The following SNTB1 variants were observed in gnomAD, a reference collection of about 807,000 sequenced individuals.
SNTB1 encodes the protein beta-1-syntrophin.
SNTB1 carries 36 observed loss-of-function variants against 48.9 expected under a neutral mutation model. The observed-to-expected ratio is 0.74, with a 90% CI of 0.56 to 0.97. SNTB1 has a LOEUF of 0.97. SNTB1 is among the 50% of genes least tolerant of loss of function. The pLI is 0.00. For synonymous variants in SNTB1, 299 were observed against 294.6 expected (o/e 1.01, Z -0.15); for missense variants, 786 against 703.4 (o/e 1.12, Z -1.33).
At position 120,614,499 on chromosome 8, in the gene SNTB1, C is replaced by G. The variant is rs1475474076; in HGVS notation, c.996+17945G>C. Among the ~76,000 whole-genome samples, 7 of 152,320 alleles carry G rather than the reference C, an allele frequency of 4.6e-5. No individual in the cohort carries two copies. In the East Asian group the frequency reaches 1.4e-3, roughly 29 times the overall value. ...TTGTTTCCAAGGCCAGAGTAGCATG[C>G]CCTTCTATGCCTTAGCTCTGGCCTG... On this transcript the variant is annotated intron_variant, in intron 3 of 6. Transcript: ENST00000517992.
In SNTB1 at chr8:120,708,489, C is replaced by A. The variant is rs182034532; in HGVS notation, c.572-14581G>T. On this transcript the variant is annotated intron_variant, in intron 1 of 6. Transcript: ENST00000517992. ...ATATAACTTTAATAACAAAAGAAGT[C>A]ATGGAAAATTTTTAAAAGGAAAATT... is the stretch of plus-strand genomic sequence containing the variant. 2.6e-3 allele frequency among the ~76,000 whole-genome samples: 390 copies of A among 152,032 alleles called. 3 individuals are homozygous for A. Among genetic ancestry groups the A allele is most frequent in the African/African-American group, 9.0e-3 (372 of 41,504 alleles).
intron 3 of SNTB1, among the ~76,000 whole-genome samples, chr8:120,591,243 A>G (rs1816236156): frequency 6.6e-6 from 1 of 152,096 alleles, no homozygotes; most frequent in African/African-American, 2.4e-5. Flanking sequence ...GTCTTTTCAT[A>G]TTTCACATCT....
intron 4 of SNTB1, among the ~76,000 whole-genome samples, chr8:120,567,956 T>A (rs1764953213): frequency 6.6e-6 from 1 of 152,198 alleles, no homozygotes; most frequent in Non-Finnish European, 1.5e-5. Context: ...CAAATAATAC[T>A]ACTAGACAGA....
At chr8:120,765,601 A>C (rs961062765) in intron 1 of SNTB1, among the ~76,000 whole-genome samples, 3 of 152,160 alleles carry the variant, frequency 2.0e-5, no homozygotes, top group South Asian at 4.1e-4. Context: ...CAAAAAATGC[A>C]TGCATGCAAG....
chr8:120,613,774 G>C lies in SNTB1; in HGVS notation c.996+18670C>G, dbSNP rs138782712. Among the ~76,000 whole-genome samples, 779 of 152,258 alleles carry C rather than the reference G, an allele frequency of 5.1e-3. 6 individuals are homozygous for C. Among genetic ancestry groups the C allele is most frequent in the African/African-American group, 0.018 (739 of 41,544 alleles). ...GTATCAGAGTGGTGAGATTGATTTA[G>C]GATTCACTATATTAAACAAATTCAA... On this transcript the variant is annotated intron_variant, in intron 3 of 6. Coordinates refer to ENST00000517992, the MANE Select transcript of SNTB1 (RefSeq NM_021021.4).
chr8:120,702,071 GT>G (rs1445190535), intron 1 of SNTB1, among the ~76,000 whole-genome samples: 4 of 152,192 alleles, frequency 2.6e-5, no homozygotes, highest in African/African-American at 9.7e-5. Context: ...ACACTGATTG[GT>G]TTAGTTATTA....
chr8:120,705,481 G>A (rs745585816), intron 1 of SNTB1, among the ~76,000 whole-genome samples: 5 of 152,164 alleles, frequency 3.3e-5, no homozygotes, highest in Non-Finnish European at 7.4e-5. Context: ...CATGATCAGT[G>A]AATACAATCA....
rs761442188 is a variant in SNTB1 at position 120,811,972 on chromosome 8, G to C, written c.-129C>G. On this transcript the variant is annotated 5_prime_UTR_variant, in exon 1 of 7. Coordinates refer to ENST00000517992, the MANE Select transcript of SNTB1 (RefSeq NM_021021.4). ...TCCCGCGGGGAGGTGGCGGCACGCG[G>C]GACTCCGCTCCGGGAGTTCGCAGAC... 14 of 1,273,830 alleles carry C rather than the reference G, an allele frequency of 1.1e-5. No homozygotes were observed. Among genetic ancestry groups the C allele is most frequent in the Middle Eastern group, 3.0e-4 (1 of 3,346 alleles). 78.9% of individuals were successfully genotyped at this position (1,273,830 alleles called of 1,614,324 possible).
intron 3 of SNTB1, among the ~76,000 whole-genome samples, chr8:120,611,591 G>A (rs552876228): frequency 2.0e-5 from 3 of 151,950 alleles, no homozygotes; most frequent in Admixed American, 6.6e-5. Flanking sequence ...TGGGAGGCGA[G>A]GTGGGCAGAT....
At chr8:120,666,769 T>C (rs1003648013) in intron 2 of SNTB1, among the ~76,000 whole-genome samples, 1 of 152,184 alleles carries the variant, frequency 6.6e-6, no homozygotes, top group Non-Finnish European at 1.5e-5. Flanking sequence ...TCTCTGTTCA[T>C]TTTTAAAAAA....
At chr8:120,628,781 G>A (rs1219618211) in intron 3 of SNTB1, among the ~76,000 whole-genome samples, 1 of 151,972 alleles carries the variant, frequency 6.6e-6, no homozygotes, top group Non-Finnish European at 1.5e-5. Flanking sequence ...AAAGAGTTGA[G>A]GCTAATATGG....
intron 3 of SNTB1, among the ~76,000 whole-genome samples, chr8:120,616,226 G>C (rs940792009): frequency 6.6e-6 from 1 of 151,942 alleles, no homozygotes; most frequent in Admixed American, 6.5e-5. Context: ...GACCAATGAG[G>C]AAGAGATTAC....
chr8:120,632,695 T>G (rs1460715099), intron 2 of SNTB1, 44 bp from the exon 3 acceptor site: 1 of 1,539,134 alleles, frequency 6.5e-7, no homozygotes, highest in Non-Finnish European at 9.0e-7. Context: ...TCCTGGCAGG[T>G]CCTGCTTCGT....
intron 1 of SNTB1, among the ~76,000 whole-genome samples, chr8:120,780,230 T>C (rs1819811550): frequency 6.6e-6 from 1 of 152,222 alleles, no homozygotes; most frequent in African/African-American, 2.4e-5. Flanking sequence ...TACATTTCTT[T>C]TCACCCCACC....
intron 2 of SNTB1, among the ~76,000 whole-genome samples, chr8:120,681,194 T>C (rs541055535): frequency 1.3e-5 from 2 of 152,344 alleles, no homozygotes; most frequent in South Asian, 4.1e-4. Flanking sequence ...TTGTGTACTC[T>C]GTTATATACC....
At chr8:120,566,550 G>A in intron 4 of SNTB1, among the ~76,000 whole-genome samples, 1 of 152,072 alleles carries the variant, frequency 6.6e-6, no homozygotes, top group East Asian at 1.9e-4. Context: ...CCAGGCTAAG[G>A]TATTTTGTTA....
In SNTB1 at chr8:120,548,966, G is replaced by A. The variant is rs539908856; in HGVS notation, c.1137-8C>T. The stretch of plus-strand genomic sequence containing the variant: ...GGACCTGAATGGACCAGCCTGGAGA[G>A]AGAGAGAGAGAGACATCATCAAAAT... On this transcript the variant is annotated splice_region_variant and splice_polypyrimidine_tract_variant and intron_variant, in intron 4 of 6. Transcript: ENST00000517992. 32 of 1,533,616 alleles carry A rather than the reference G, an allele frequency of 2.1e-5. No homozygotes were observed. The highest frequency in any genetic ancestry group is 2.6e-5 in the Non-Finnish European group (30 of 1,142,270).
In SNTB1 at chr8:120,568,680, G is replaced by A. The variant is rs370770458; in HGVS notation, c.1136+6406C>T. Reference sequence around the variant, plus strand: ...GGCTGCCGCCCAGGAGCAGGCAAAAGCTCACCTACTACTTCGAGAGGATAG... The same window carrying A: ...GGCTGCCGCCCAGGAGCAGGCAAAAACTCACCTACTACTTCGAGAGGATAG... On this transcript the variant is annotated intron_variant, in intron 4 of 6. Transcript: ENST00000517992. Among the ~76,000 whole-genome samples, 78 of 152,306 alleles carry A rather than the reference G, an allele frequency of 5.1e-4. 1 individual carries two copies. In the East Asian group the frequency reaches 0.013, roughly 25 times the overall value.
At chr8:120,785,360 A>T (rs1272362089) in intron 1 of SNTB1, among the ~76,000 whole-genome samples, 3 of 152,172 alleles carry the variant, frequency 2.0e-5, no homozygotes. Context: ...TTCTGAGTAC[A>T]GGCTGCCTGG....
Sources: allele counts gnomAD v4.1 joint callset (sites outside exome capture counted in the v4.1 genomes callset), GRCh38; gene constraint gnomAD v4.1.1; transcripts MANE v1.5; gene names NCBI Gene and HGNC (gene_info 2026-07-23, HGNC 2026-07-21).